SFMBT1: variants seen among roughly 807,000 people sequenced by gnomAD.
The protein encoded by SFMBT1 is Scm like with four mbt domains 1.
A neutral mutation model predicts 108.7 loss-of-function variants in SFMBT1; 32 were observed. The ratio of observed to expected loss-of-function variants is 0.29; its 90% CI spans 0.22 to 0.40. SFMBT1 has a LOEUF of 0.40. SFMBT1 is among the 10% of genes least tolerant of loss of function. The pLI is 1.00. For synonymous variants in SFMBT1, 348 were observed against 369.5 expected (o/e 0.94, Z 0.67); for missense variants, 816 against 1,059.6 (o/e 0.77, Z 3.19).
intron 13 of SFMBT1, among the ~76,000 whole-genome samples, chr3:52,918,153 T>C (rs534225463): frequency 1.4e-4 from 22 of 152,312 alleles, no homozygotes; most frequent in Middle Eastern, 3.4e-3. Flanking sequence ...TTTTCCACTG[T>C]GACAAATCAT....
intron 3 of SFMBT1, among the ~76,000 whole-genome samples, chr3:52,950,997 G>A (rs918628807): frequency 6.6e-6 from 1 of 150,880 alleles, no homozygotes; most frequent in African/African-American, 2.4e-5. Flanking sequence ...GGTGGTGGGT[G>A]TCTGTAGTCT....
At chr3:52,944,678 T>C (rs2106817176) in intron 3 of SFMBT1, among the ~76,000 whole-genome samples, 1 of 151,988 alleles carries the variant, frequency 6.6e-6, no homozygotes, top group South Asian at 2.1e-4. Context: ...CGCCACAACA[T>C]CCAGCTAATT....
At chr3:53,004,784 T>C (rs1698682752) in intron 1 of SFMBT1, among the ~76,000 whole-genome samples, 1 of 137,404 alleles carries the variant, frequency 7.3e-6, no homozygotes, top group Non-Finnish European at 1.7e-5. Context: ...GGCCTCCACC[T>C]TGATGCCAGC....
intron 1 of SFMBT1, among the ~76,000 whole-genome samples, chr3:53,030,471 T>G (rs2106956957): frequency 6.6e-6 from 1 of 152,232 alleles, no homozygotes; most frequent in Middle Eastern, 3.4e-3. Flanking sequence ...AAAGGCGTAC[T>G]TAAGTCTGTG....
intron 2 of SFMBT1, among the ~76,000 whole-genome samples, chr3:52,962,050 T>C (rs968438028): frequency 3.9e-5 from 6 of 152,202 alleles, no homozygotes; most frequent in Admixed American, 1.3e-4. Context: ...AATTTTGTTT[T>C]AAGAGAAATG....
intron 1 of SFMBT1, among the ~76,000 whole-genome samples, chr3:53,004,021 C>A (rs1698651205): frequency 6.7e-6 from 1 of 149,892 alleles, no homozygotes; most frequent in Non-Finnish European, 1.5e-5. Context: ...ACAATGGTCA[C>A]TGGAAATTCA....
At chr3:52,985,085 T>C (rs537343944) in intron 1 of SFMBT1, among the ~76,000 whole-genome samples, 38 of 152,322 alleles carry the variant, frequency 2.5e-4, no homozygotes, top group Non-Finnish European at 5.0e-4. Context: ...TTTTCATCAA[T>C]TAAATGCTTT....
intron 1 of SFMBT1, among the ~76,000 whole-genome samples, chr3:53,043,838 T>A (rs1338548729): frequency 6.6e-6 from 1 of 152,238 alleles, no homozygotes. Context: ...CAAGTTTACA[T>A]ACAAGCTATC....
intron 1 of SFMBT1, among the ~76,000 whole-genome samples, chr3:52,971,489 C>T (rs997287703): frequency 1.3e-5 from 2 of 152,156 alleles, no homozygotes; most frequent in African/African-American, 4.8e-5. Flanking sequence ...GTTTACTTTT[C>T]TACCCCAAGC....
chr3:52,959,850 T>TTTGTTG (rs369557544), intron 2 of SFMBT1, among the ~76,000 whole-genome samples: 216 of 151,836 alleles, frequency 1.4e-3, no homozygotes, highest in African/African-American at 4.7e-3. Context: ...GGATGGTTGT[T>TTTGTTG]TTGTTGTTGT....
chr3:53,025,386 T>A (rs1422696804), intron 1 of SFMBT1, among the ~76,000 whole-genome samples: 1 of 152,162 alleles, frequency 6.6e-6, no homozygotes, highest in Non-Finnish European at 1.5e-5. Context: ...GGTGGAGGGA[T>A]CACTTTAATT....
chr3:52,977,949 CTATT>C (rs1196951953), intron 1 of SFMBT1, among the ~76,000 whole-genome samples: 2 of 151,900 alleles, frequency 1.3e-5, no homozygotes, highest in African/African-American at 2.4e-5. Context: ...ACATGGAAAG[CTATT>C]TATTCATTCT....
intron 10 of SFMBT1, among the ~76,000 whole-genome samples, chr3:52,923,107 A>G (rs912636145): frequency 2.0e-5 from 3 of 152,214 alleles, no homozygotes; most frequent in African/African-American, 7.2e-5. Context: ...GCAACAACCA[A>G]GAATTACCAG....
chr3:52,906,615 T>C (rs1364236444), intron 19 of SFMBT1, among the ~76,000 whole-genome samples: 1 of 152,202 alleles, frequency 6.6e-6, no homozygotes, highest in Non-Finnish European at 1.5e-5. Context: ...GCAATCTAGT[T>C]TTTGAACACT....
At chr3:53,015,230 T>C (rs1453497661) in intron 1 of SFMBT1, among the ~76,000 whole-genome samples, 1 of 149,106 alleles carries the variant, frequency 6.7e-6, no homozygotes, top group Non-Finnish European at 1.5e-5. Context: ...AAAAAAAAAA[T>C]CATTGTATTT....
chr3:52,978,671 G>A (rs747597912), intron 1 of SFMBT1, among the ~76,000 whole-genome samples: 10 of 152,002 alleles, frequency 6.6e-5, no homozygotes, highest in Admixed American at 1.3e-4. Flanking sequence ...ATGAATGTTC[G>A]TAGTATTATT....
chr3:53,014,747 C>T (rs887341267), intron 1 of SFMBT1, among the ~76,000 whole-genome samples: 13 of 152,146 alleles, frequency 8.5e-5, no homozygotes, highest in African/African-American at 3.1e-4. Context: ...TGGGACTAGA[C>T]TCTAAAGGAC....
intron 1 of SFMBT1, among the ~76,000 whole-genome samples, chr3:52,970,510 ATTATC>A (rs1387963330): frequency 6.6e-6 from 1 of 152,240 alleles, no homozygotes; most frequent in Non-Finnish European, 1.5e-5. Flanking sequence ...AATCTAAGAT[ATTATC>A]TTAATATGTG....
At chr3:52,913,802 A>T (rs567086008) in intron 14 of SFMBT1, among the ~76,000 whole-genome samples, 185 bp from the exon 15 acceptor site, 1 of 152,270 alleles carries the variant, frequency 6.6e-6, no homozygotes, top group South Asian at 2.1e-4. Context: ...AGAGCTTATC[A>T]CTCTGCTGAA....
Sources: gnomAD v4.1 joint callset for allele counts (sites outside exome capture counted in the v4.1 genomes callset) on GRCh38, gnomAD v4.1.1 for gene constraint, MANE v1.5 for transcripts, NCBI Gene and HGNC (gene_info 2026-07-23, HGNC 2026-07-21) for gene names.